The following LINGO2 variants were observed in gnomAD, a reference collection of about 807,000 sequenced individuals.
LINGO2 encodes leucine rich repeat and Ig domain containing 2, also known as leucine-rich repeat and immunoglobulin-like domain-containing nogo receptor-interacting protein 2.
LINGO2 carries 14 observed loss-of-function variants against 30.6 expected under a neutral mutation model. The ratio of observed to expected loss-of-function variants is 0.46; its 90% confidence interval spans 0.30 to 0.72. LINGO2 has a LOEUF of 0.72. Among genes scored for constraint, LINGO2 ranks in the 30% least tolerant of loss-of-function variants. The pLI is 0.07. For synonymous variants in LINGO2, 317 were observed against 288.5 expected (o/e 1.10, Z -1.00); for missense variants, 729 against 751.7 (o/e 0.97, Z 0.35).
the LINGO2 span, among the ~76,000 whole-genome samples, chr9:29,105,557 T>C: frequency 6.6e-6 from 1 of 152,208 alleles, no homozygotes; most frequent in South Asian, 2.1e-4. Context: ...AGACTTTGTC[T>C]AATTTCCTTC....
At chr9:29,125,433 A>G in the LINGO2 span, among the ~76,000 whole-genome samples, 9 of 102,320 alleles carry the variant, frequency 8.8e-5, no homozygotes, top group Admixed American at 9.2e-5. Context: ...AAATTTAAAA[A>G]TATATATATA....
intron 4 of LINGO2, among the ~76,000 whole-genome samples, chr9:28,062,480 T>C (rs1825175364): frequency 6.8e-6 from 1 of 146,690 alleles, no homozygotes; most frequent in Non-Finnish European, 1.5e-5. Flanking sequence ...GTATATATAC[T>C]ATATATACAT....
At chr9:27,975,284 A>G (rs2118826059) in intron 5 of LINGO2, among the ~76,000 whole-genome samples, 1 of 152,148 alleles carries the variant, frequency 6.6e-6, no homozygotes, top group East Asian at 1.9e-4. Flanking sequence ...GCACTATTTA[A>G]AGTATCTTTC....
At chr9:28,281,967 T>C (rs955098937) in intron 4 of LINGO2, among the ~76,000 whole-genome samples, 2 of 152,132 alleles carry the variant, frequency 1.3e-5, no homozygotes, top group Non-Finnish European at 2.9e-5. Context: ...GAATCTGCTA[T>C]TGATCTTTAT....
chr9:29,196,869 G>A, the LINGO2 span, among the ~76,000 whole-genome samples: 3 of 152,100 alleles, frequency 2.0e-5, 1 homozygote, highest in Middle Eastern at 0.01. Flanking sequence ...TCTTTGCCTG[G>A]TATTATAGTG....
chr9:28,707,760 G>A, the LINGO2 span, among the ~76,000 whole-genome samples: 1 of 151,960 alleles, frequency 6.6e-6, no homozygotes, highest in Non-Finnish European at 1.5e-5. Context: ...ATTTATTGTC[G>A]GGGTGGTGAA....
chr9:29,137,422 T>C, the LINGO2 span, among the ~76,000 whole-genome samples: 1 of 152,160 alleles, frequency 6.6e-6, no homozygotes, highest in Non-Finnish European at 1.5e-5. Context: ...TGCTTTAAAG[T>C]AAACTAAATC....
the LINGO2 span, among the ~76,000 whole-genome samples, chr9:29,135,979 CTAACTTT>C: frequency 6.6e-6 from 1 of 152,160 alleles, no homozygotes; most frequent in Non-Finnish European, 1.5e-5. Flanking sequence ...GCTTAGACAT[CTAACTTT>C]TAAAAGTCCC....
At chr9:28,700,042 C>T in the LINGO2 span, among the ~76,000 whole-genome samples, 1 of 151,868 alleles carries the variant, frequency 6.6e-6, no homozygotes, top group South Asian at 2.1e-4. Context: ...TCCTTTTTGC[C>T]CTTTGAAGCA....
At chr9:28,121,901 CA>C (rs894496894) in intron 4 of LINGO2, among the ~76,000 whole-genome samples, 3 of 152,056 alleles carry the variant, frequency 2.0e-5, no homozygotes, top group Admixed American at 1.3e-4. Context: ...AAATATCTTG[CA>C]AAAATGCAAT....
the LINGO2 span, among the ~76,000 whole-genome samples, chr9:28,676,999 A>T: frequency 1.3e-5 from 2 of 152,170 alleles, 1 homozygote; most frequent in Admixed American, 1.3e-4. Flanking sequence ...CTTGTACAAC[A>T]TTAGCAAAAT....
chr9:28,350,508 G>A lies in LINGO2; in HGVS notation c.-246+22328C>T, dbSNP rs866191129. On this transcript the variant is annotated intron_variant, in intron 3 of 5. Coordinates refer to ENST00000379992, the Ensembl canonical transcript of LINGO2. ...CACCAAGATTCATAAAGCGAGTCCT[G>A]AGTGACCTACAAAGAGACTTAGACT... Among the ~76,000 whole-genome samples, 188 of 145,310 alleles carry A rather than the reference G, an allele frequency of 1.3e-3. 1 individual carries two copies. Among genetic ancestry groups the A allele is most frequent in the African/African-American group, 4.6e-3 (180 of 39,544 alleles).
chr9:28,553,595 C>A (rs924513031), intron 1 of LINGO2, among the ~76,000 whole-genome samples: 38 of 152,064 alleles, frequency 2.5e-4, no homozygotes, highest in African/African-American at 8.2e-4. Flanking sequence ...TCCAGGAGAA[C>A]TTCCTCAACC....
the LINGO2 span, among the ~76,000 whole-genome samples, chr9:28,980,931 G>C: frequency 6.6e-6 from 1 of 151,994 alleles, no homozygotes; most frequent in Non-Finnish European, 1.5e-5. Flanking sequence ...GTTTGTGCCT[G>C]GCATATACTG....
the LINGO2 span, among the ~76,000 whole-genome samples, chr9:28,945,646 T>C: frequency 6.6e-6 from 1 of 152,282 alleles, no homozygotes; most frequent in East Asian, 1.9e-4. Flanking sequence ...TTCTTAGGAC[T>C]CAACCTATCG....
intron 1 of LINGO2, among the ~76,000 whole-genome samples, chr9:28,599,591 G>A (rs534369272): frequency 6.6e-6 from 1 of 152,058 alleles, no homozygotes; most frequent in Non-Finnish European, 1.5e-5. Flanking sequence ...GAGCAAATCA[G>A]ATTTGGATAA....
At chr9:28,673,028 CAAGT>C (rs1433638550), upstream of LINGO2, among the ~76,000 whole-genome samples, 2 of 151,992 alleles carry the variant, frequency 1.3e-5, no homozygotes, top group Non-Finnish European at 2.9e-5. Flanking sequence ...ACTAAATGGT[CAAGT>C]GAGTGAATAA....
At chr9:28,502,134 A>G (rs577009004) in intron 1 of LINGO2, among the ~76,000 whole-genome samples, 1 of 140,466 alleles carries the variant, frequency 7.1e-6, no homozygotes, top group Admixed American at 7.3e-5. Context: ...AAACACAGAC[A>G]CACACACACA....
the LINGO2 span, among the ~76,000 whole-genome samples, chr9:29,064,564 T>C: frequency 6.6e-6 from 1 of 152,084 alleles, no homozygotes; most frequent in Admixed American, 6.6e-5. Flanking sequence ...AAGATAACAC[T>C]CCTCTAACCT....
Sources: allele counts gnomAD v4.1 joint callset (sites outside exome capture counted in the v4.1 genomes callset), GRCh38; gene constraint gnomAD v4.1.1; transcripts MANE v1.5; gene names NCBI Gene and HGNC (gene_info 2026-07-23, HGNC 2026-07-21).